The following SLC36A1 variants were observed in gnomAD, a reference collection of about 807,000 sequenced individuals.
SLC36A1 encodes solute carrier family 36 member 1, also known as proton-coupled amino acid transporter 1.
In SLC36A1, 30 loss-of-function variants were observed where a neutral mutation model predicts 47.5. The ratio of observed to expected loss-of-function variants is 0.63; its 90% CI spans 0.47 to 0.86. The LOEUF is 0.86. Among genes scored for constraint, SLC36A1 ranks in the 40% least tolerant of loss-of-function variants. The pLI, the probability that SLC36A1 is intolerant of heterozygous loss-of-function variation, is 0.00. For synonymous variants in SLC36A1, 255 were observed against 249.7 expected (o/e 1.02, Z -0.20); for missense variants, 517 against 606.0 (o/e 0.85, Z 1.54).
intron 1 of SLC36A1, among the ~76,000 whole-genome samples, chr5:151,451,218 T>C (rs1753612742): frequency 6.6e-6 from 1 of 151,978 alleles, no homozygotes; most frequent in Non-Finnish European, 1.5e-5. Context: ...TATTTTATTT[T>C]ATTATTATTA....
At chr5:151,376,869 G>A in the SLC36A1 span, among the ~76,000 whole-genome samples, 3 of 152,140 alleles carry the variant, frequency 2.0e-5, no homozygotes, top group Admixed American at 2.0e-4. Flanking sequence ...CTGACTTCAG[G>A]TGATCCACCT....
chr5:151,415,520 C>T, the SLC36A1 span, among the ~76,000 whole-genome samples: 1 of 152,164 alleles, frequency 6.6e-6, no homozygotes, highest in African/African-American at 2.4e-5. Flanking sequence ...CAACTCGTAG[C>T]TTAAACTTCA....
intron 10 of SLC36A1, among the ~76,000 whole-genome samples, chr5:151,483,096 A>G (rs1759031517): frequency 6.6e-6 from 1 of 152,222 alleles, no homozygotes; most frequent in Non-Finnish European, 1.5e-5. Context: ...AAGTTTTAAC[A>G]GCTTTGATCA....
the SLC36A1 span, chr5:151,554,652 C>T: frequency 3.1e-6 from 5 of 1,613,374 alleles, no homozygotes; most frequent in Admixed American, 6.7e-5. Flanking sequence ...AGTGAGGGTT[C>T]CCCATTGTCC....
chr5:151,385,766 A>G, the SLC36A1 span, among the ~76,000 whole-genome samples: 1 of 152,188 alleles, frequency 6.6e-6, no homozygotes, highest in Non-Finnish European at 1.5e-5. Flanking sequence ...ACAAACAGCA[A>G]CAACTACCTT....
the SLC36A1 span, chr5:151,538,040 A>C: frequency 3.6e-6 from 4 of 1,103,784 alleles, no homozygotes; most frequent in Non-Finnish European, 5.2e-6. Context: ...GCAGAAGCAG[A>C]AAGAGAGACA....
chr5:151,377,694 G>T, the SLC36A1 span, among the ~76,000 whole-genome samples: 4 of 152,104 alleles, frequency 2.6e-5, no homozygotes, highest in African/African-American at 9.7e-5. Flanking sequence ...ATAAATTTGG[G>T]TGCTCCAGTG....
At chr5:151,522,227 G>GAA in the SLC36A1 span, 13,712 of 517,956 alleles carry the variant, frequency 0.026, no homozygotes, top group South Asian at 0.079. Context: ...GTTGCATTTA[G>GAA]AAAAAAAAAA....
chr5:151,511,566 T>A, the SLC36A1 span: 1 of 153,224 alleles, frequency 6.5e-6, no homozygotes, highest in South Asian at 2.1e-4. Context: ...TGGAGATGGG[T>A]GTTTGGAGTG....
the SLC36A1 span, among the ~76,000 whole-genome samples, chr5:151,377,062 C>T: frequency 4.0e-4 from 61 of 152,172 alleles, no homozygotes; most frequent in African/African-American, 1.4e-3. Flanking sequence ...GTTTTGTTTC[C>T]CTGTGGTCTG....
At chr5:151,544,969 T>A in the SLC36A1 span, 1 of 1,614,182 alleles carries the variant, frequency 6.2e-7, no homozygotes, top group Non-Finnish European at 8.5e-7. Flanking sequence ...GACCAAACCC[T>A]GAGCCACCCG....
chr5:151,385,575 G>A, the SLC36A1 span, among the ~76,000 whole-genome samples: 1 of 152,148 alleles, frequency 6.6e-6, no homozygotes, highest in African/African-American at 2.4e-5. Context: ...GGGCCAGGTA[G>A]CTCTGAGGAA....
the SLC36A1 span, among the ~76,000 whole-genome samples, chr5:151,409,269 G>A: frequency 6.6e-6 from 1 of 152,034 alleles, no homozygotes; most frequent in African/African-American, 2.4e-5. Context: ...CAAGTGCTAG[G>A]ATTACAGGCA....
At chr5:151,555,396 A>C in the SLC36A1 span, among the ~76,000 whole-genome samples, 2 of 121,142 alleles carry the variant, frequency 1.7e-5, no homozygotes, top group Non-Finnish European at 3.2e-5. Context: ...TTTGAGACTG[A>C]GTCTCGCTCT....
At chr5:151,412,130 A>G in the SLC36A1 span, among the ~76,000 whole-genome samples, 526 of 144,778 alleles carry the variant, frequency 3.6e-3, 47 homozygotes, top group African/African-American at 0.013. Flanking sequence ...TCTCTTTCCA[A>G]ACTGTCTGTG....
chr5:151,395,453 G>C, the SLC36A1 span, among the ~76,000 whole-genome samples: 1 of 152,204 alleles, frequency 6.6e-6, no homozygotes, highest in East Asian at 1.9e-4. Flanking sequence ...GATGAACCTG[G>C]TACCTCAGTT....
At chr5:151,356,339 C>CAAAAAAAAAAAAAAAAA in the SLC36A1 span, among the ~76,000 whole-genome samples, 802 of 51,254 alleles carry the variant, frequency 0.016, 78 homozygotes, top group East Asian at 0.048. Context: ...CTCTGTCTCA[C>CAAAAAAAAAAAAAAAAA]AAAAAAAAAA....
the SLC36A1 span, among the ~76,000 whole-genome samples, chr5:151,365,771 C>G: frequency 2.6e-4 from 40 of 152,290 alleles, no homozygotes; most frequent in African/African-American, 9.6e-4. Flanking sequence ...ATGTCCTTTT[C>G]TGTGAAATGG....
At chr5:151,486,354 G>C (rs1434380887) in intron 10 of SLC36A1, among the ~76,000 whole-genome samples, 1 of 136,224 alleles carries the variant, frequency 7.3e-6, no homozygotes, top group African/African-American at 3.3e-5. Context: ...ATTTCAACAT[G>C]AAATTTGGAG....
Sources: allele counts gnomAD v4.1 joint callset (sites outside exome capture counted in the v4.1 genomes callset), GRCh38; gene constraint gnomAD v4.1.1; transcripts MANE v1.5; gene names NCBI Gene and HGNC (gene_info 2026-07-23, HGNC 2026-07-21).